TUT7: variants seen among roughly 807,000 people sequenced by gnomAD.
TUT7 encodes the protein terminal uridylyltransferase 7.
TUT7 carries 33 observed loss-of-function variants against 165.9 expected under a neutral mutation model. That is an observed-to-expected ratio of 0.20 (90% CI 0.15 to 0.27). The LOEUF (loss-of-function observed/expected upper bound fraction) is 0.27, where lower values mean the gene tolerates loss of function less well. Among genes scored for constraint, TUT7 ranks in the 10% least tolerant of loss-of-function variants. TUT7 has a pLI of 1.00. For missense variants in TUT7, 1,338 were observed against 1,762.3 expected (o/e 0.76, Z 4.31); for synonymous variants, 552 against 608.1 (o/e 0.91, Z 1.36).
chr9:86,334,311 T>C lies in TUT7; in HGVS notation c.1455+3108A>G, dbSNP rs1164928563. On this transcript the variant is annotated intron_variant, in intron 10 of 26. Transcript: ENST00000375963. ...AGCACTGGGAGATTTTTCTCAGGTC[T>C]TTACCCTCAGAGCTTAGTGGGATTC... Among the ~76,000 whole-genome samples the C allele has an allele frequency of 2.0e-5, 3 of 152,144 alleles. No homozygotes were observed. In the East Asian group the frequency reaches 5.8e-4, roughly 29 times the overall value.
intron 10 of TUT7, among the ~76,000 whole-genome samples, chr9:86,331,900 T>C (rs941537129): frequency 6.6e-6 from 1 of 152,038 alleles, no homozygotes; most frequent in Non-Finnish European, 1.5e-5. Flanking sequence ...ACTTAACAAA[T>C]TTACAAGGAA....
chr9:86,337,376 A>C, intron 10 of TUT7, 43 bp downstream of exon 10: 1 of 1,576,654 alleles, frequency 6.3e-7, no homozygotes, highest in Admixed American at 2.0e-5. Context: ...TGGACCTGTA[A>C]TAAAATCTGT....
chr9:86,347,512 A>G (rs1336948112), intron 2 of TUT7, among the ~76,000 whole-genome samples: 1 of 152,218 alleles, frequency 6.6e-6, no homozygotes, highest in Non-Finnish European at 1.5e-5. Flanking sequence ...CTAGTATGGC[A>G]ATTACAATGA....
intron 25 of TUT7, among the ~76,000 whole-genome samples, chr9:86,302,198 A>T (rs1230485058): frequency 6.6e-6 from 1 of 152,164 alleles, no homozygotes; most frequent in African/African-American, 2.4e-5. Context: ...ACTACCACCC[A>T]AAACAACGTA....
At chr9:86,321,976 T>C (rs1169457866) in intron 14 of TUT7, among the ~76,000 whole-genome samples, 3 of 152,020 alleles carry the variant, frequency 2.0e-5, no homozygotes, top group Non-Finnish European at 4.4e-5. Context: ...CTTGGGAGGC[T>C]GAGGTGAGAG....
chr9:86,297,616 C>T (rs1036067451), intron 26 of TUT7, among the ~76,000 whole-genome samples: 4 of 152,130 alleles, frequency 2.6e-5, no homozygotes, highest in Admixed American at 2.0e-4. Flanking sequence ...TCACATGAGG[C>T]CAGGAGTTCA....
chr9:86,348,659 G>A (rs1223634493), intron 2 of TUT7, among the ~76,000 whole-genome samples: 3 of 151,994 alleles, frequency 2.0e-5, no homozygotes. Context: ...AGGCTGAGAC[G>A]GAAGGACTGC....
intron 17 of TUT7, among the ~76,000 whole-genome samples, chr9:86,312,031 C>A (rs573444037): frequency 6.6e-6 from 1 of 152,328 alleles, no homozygotes; most frequent in South Asian, 2.1e-4. Flanking sequence ...CAGCCTCTGC[C>A]CGGCCGCCAC....
At chr9:86,293,196 G>C (rs1053117085) in intron 26 of TUT7, among the ~76,000 whole-genome samples, 1 of 152,160 alleles carries the variant, frequency 6.6e-6, no homozygotes, top group African/African-American at 2.4e-5. Flanking sequence ...GCTCATGCCT[G>C]TAATCCCAAC....
intron 17 of TUT7, among the ~76,000 whole-genome samples, chr9:86,312,417 C>T (rs1261948500): frequency 1.3e-5 from 2 of 150,222 alleles, no homozygotes; most frequent in Non-Finnish European, 3.0e-5. Flanking sequence ...GGAGCCCCTC[C>T]GCCCGGCAGC....
intron 26 of TUT7, among the ~76,000 whole-genome samples, chr9:86,294,099 T>G (rs766046593): frequency 4.6e-5 from 7 of 152,168 alleles, no homozygotes; most frequent in South Asian, 2.1e-4. Context: ...CCATGTGTAC[T>G]CTTTCTTAAA....
chr9:86,332,340 G>A (rs868218856), intron 10 of TUT7, among the ~76,000 whole-genome samples: 4 of 149,652 alleles, frequency 2.7e-5, no homozygotes, highest in East Asian at 2.1e-4. Context: ...CATATACACC[G>A]TGGAATACTA....
rs1828002567 is a variant in TUT7, at chr9:86,311,077, C to T, written c.3275-268G>A. On this transcript the variant is annotated intron_variant, in intron 17 of 26. Transcript: ENST00000375963. This position sits in a 1 kb window ranked among gnomAD's most constrained non-coding sequence, Gnocchi z 4.4. Reference sequence around the variant, plus strand: ...GAACTTACTGGATCGTATGTGCACACGTGTGCATGTGTGTATATGCATGTG... The same window carrying T: ...GAACTTACTGGATCGTATGTGCACATGTGTGCATGTGTGTATATGCATGTG... Among the ~76,000 whole-genome samples the T allele has an allele frequency of 6.6e-6, 1 of 152,174 alleles. No individual in the cohort carries two copies.
At chr9:86,297,231 A>G (rs530650353) in intron 26 of TUT7, among the ~76,000 whole-genome samples, 2 of 152,290 alleles carry the variant, frequency 1.3e-5, no homozygotes, top group South Asian at 2.1e-4. Context: ...AATAACATCA[A>G]TGCAATCACC....
rs1831199293 is a variant in TUT7 at position 86,340,046 on chromosome 9, C to T, written c.1198G>A (p.Glu400Lys). 1 of 1,613,660 alleles carries T rather than the reference C, an allele frequency of 6.2e-7. No individual in the cohort carries two copies. Among genetic ancestry groups the T allele is most frequent in the Non-Finnish European group, 8.5e-7 (1 of 1,179,780 alleles). Residue 400 changes from glutamate (E) to lysine (K), a missense_variant, in exon 8 of 27, where the codon GAA becomes AAA. Physicochemically the swap from Glu to Lys is moderately conservative, Grantham distance 56. Coordinates refer to ENST00000375963, the MANE Select transcript of TUT7 (RefSeq NM_024617.4). ...HARVPVVVCR[E>K]KQSGLLCKVS... ...TTAAAGAAATGAGACCTTTGCTTTT[C>T]TCTGCACACCACCACTGGCACCCTA...
At chr9:86,338,017 G>C (rs759628953) in intron 9 of TUT7, among the ~76,000 whole-genome samples, 38 of 152,032 alleles carry the variant, frequency 2.5e-4, no homozygotes, top group Non-Finnish European at 4.3e-4. Flanking sequence ...ACAACTAAAA[G>C]GGCATGTTCT....
intron 17 of TUT7, among the ~76,000 whole-genome samples, chr9:86,312,349 G>T (rs1370862629): frequency 6.8e-6 from 1 of 147,314 alleles, no homozygotes; most frequent in East Asian, 2.1e-4. Flanking sequence ...CCTGGCAACC[G>T]CCCAGTCTGA....
chr9:86,317,171 A>G (rs377085816), intron 17 of TUT7, 48 bp downstream of exon 17: 1 of 1,533,698 alleles, frequency 6.5e-7, no homozygotes, highest in Non-Finnish European at 9.0e-7. Flanking sequence ...TATAGAAAAC[A>G]CTAATTAAAA....
At chr9:86,342,358 G>A (rs1034478420) in intron 6 of TUT7, among the ~76,000 whole-genome samples, 5 of 152,114 alleles carry the variant, frequency 3.3e-5, no homozygotes, top group Non-Finnish European at 7.4e-5. Context: ...AGGCCTGTGG[G>A]AACTAACAGC....
Sources: gnomAD v4.1 joint callset for allele counts (sites outside exome capture counted in the v4.1 genomes callset) on GRCh38, gnomAD v4.1.1 for gene constraint, Gnocchi (gnomAD v3.1) non-coding constraint, MANE v1.5 for transcripts, NCBI Gene and HGNC (gene_info 2026-07-23, HGNC 2026-07-21) for gene names.